Variants in PTPRN2 observed in about 807,000 individuals in gnomAD.
PTPRN2 encodes protein tyrosine phosphatase receptor type N2, also known as receptor-type tyrosine-protein phosphatase N2.
PTPRN2 carries 74 observed loss-of-function variants against 118.8 expected under a neutral mutation model. The ratio of observed to expected loss-of-function variants is 0.62; its 90% CI spans 0.52 to 0.76. PTPRN2 has a LOEUF of 0.76. Ranked by LOEUF, PTPRN2 falls within the 30% of genes least tolerant of loss-of-function variation. PTPRN2 has a pLI of 0.00. For synonymous variants in PTPRN2, 641 were observed against 608.0 expected, an observed-to-expected ratio of 1.05 and a Z score of -0.80; for missense variants, 1,481 against 1,394.4, an observed-to-expected ratio of 1.06 and a Z score of -0.99.
chr7:157,546,230 G>A (rs1214865883), intron 22 of PTPRN2, among the ~76,000 whole-genome samples: 2 of 152,132 alleles, frequency 1.3e-5, no homozygotes, highest in Non-Finnish European at 1.5e-5. Flanking sequence ...AAGTGATCTG[G>A]GCAACAGGGC....
chr7:157,978,480 T>C (rs1328379706), intron 11 of PTPRN2, among the ~76,000 whole-genome samples: 4 of 152,036 alleles, frequency 2.6e-5, no homozygotes, highest in Non-Finnish European at 5.9e-5. Context: ...TGAAAGCTTT[T>C]GAGCTCAAGA....
chr7:158,045,312 T>A (rs915203960), intron 11 of PTPRN2, among the ~76,000 whole-genome samples: 1 of 152,202 alleles, frequency 6.6e-6, no homozygotes, highest in Non-Finnish European at 1.5e-5. Context: ...GAGAAATAAA[T>A]TTTTTATTAA....
At chr7:158,356,481 GT>G (rs570466680) in intron 2 of PTPRN2, among the ~76,000 whole-genome samples, 1 of 152,036 alleles carries the variant, frequency 6.6e-6, no homozygotes, top group Non-Finnish European at 1.5e-5. Context: ...GCTTCCTTGG[GT>G]TTTTTTGGAC....
intron 6 of PTPRN2, among the ~76,000 whole-genome samples, chr7:158,140,309 T>C (rs1025642031): frequency 6.6e-6 from 1 of 152,262 alleles, no homozygotes; most frequent in Non-Finnish European, 1.5e-5. Context: ...GAAAGGAAAG[T>C]CTTTTCCAAA....
At chr7:158,048,430 A>T (rs1259249973) in intron 11 of PTPRN2, among the ~76,000 whole-genome samples, 1 of 152,154 alleles carries the variant, frequency 6.6e-6, no homozygotes, top group Non-Finnish European at 1.5e-5. Flanking sequence ...GACTCTGAAA[A>T]CTTGAATGAT....
At chr7:158,334,089 A>C (rs1183920763) in intron 2 of PTPRN2, among the ~76,000 whole-genome samples, 2 of 80,798 alleles carry the variant, frequency 2.5e-5, no homozygotes, top group African/African-American at 4.3e-5. Flanking sequence ...CACTCTCACC[A>C]TAAGAGGTGA....
At position 158,089,778 on chromosome 7, in the gene PTPRN2, G is replaced by GTC. The variant is rs1187218399; in HGVS notation, c.1644-8402_1644-8401insGA. Among the ~76,000 whole-genome samples the GTC allele has an allele frequency of 2.4e-3, 146 of 61,176 alleles. 3 individuals are homozygous for GTC. The highest frequency in any genetic ancestry group is 4.5e-3 in the African/African-American group (94 of 20,946). The allele number at this position is 61,176 out of a possible 152,430, so 40.1% of individuals were successfully genotyped here. A position where few individuals can be genotyped will look rare whatever the true frequency, so the allele number is the denominator to read the frequency against. Reference sequence around the variant, plus strand: ...TTCTTCCCCTGATGAAAAGGGGAATGTTCACACAAATCCTTCTTCCCCTGA... The same window carrying GTC: ...TTCTTCCCCTGATGAAAAGGGGAATGTCTTCACACAAATCCTTCTTCCCCTGA... On this transcript the variant is annotated intron_variant, in intron 10 of 22. Coordinates refer to ENST00000389418, the MANE Select transcript of PTPRN2 (RefSeq NM_002847.5).
chr7:158,582,615 C>A (rs1383614049), intron 1 of PTPRN2, among the ~76,000 whole-genome samples: 1 of 151,370 alleles, frequency 6.6e-6, no homozygotes, highest in Admixed American at 6.6e-5. Context: ...TATATTTACT[C>A]ATGAACCCAA....
At chr7:158,078,729 C>A (rs575822354) in intron 11 of PTPRN2, among the ~76,000 whole-genome samples, 1 of 152,268 alleles carries the variant, frequency 6.6e-6, no homozygotes, top group Non-Finnish European at 1.5e-5. Context: ...AGTCACCAAC[C>A]GTGCTAAGCG....
chr7:158,151,145 C>T (rs1359782530), intron 6 of PTPRN2, among the ~76,000 whole-genome samples: 2 of 84,042 alleles, frequency 2.4e-5, no homozygotes, highest in Non-Finnish European at 4.9e-5. Context: ...CTTTCTATTC[C>T]TGCCTCTCCC....
At chr7:157,733,209 TTC>T (rs1800054757) in intron 12 of PTPRN2, among the ~76,000 whole-genome samples, 3 of 27,100 alleles carry the variant, frequency 1.1e-4, no homozygotes, top group Non-Finnish European at 7.0e-5. Context: ...CAGTTACCCT[TTC>T]CCGTCCCACG....
chr7:158,169,425 T>A (rs1293088399), intron 5 of PTPRN2, among the ~76,000 whole-genome samples: 1 of 143,536 alleles, frequency 7.0e-6, no homozygotes, highest in African/African-American at 2.7e-5. Flanking sequence ...TGAGTGTGTG[T>A]GTGTGTGTGT....
chr7:158,194,542 C>T (rs893843401), intron 4 of PTPRN2, among the ~76,000 whole-genome samples: 6 of 152,340 alleles, frequency 3.9e-5, no homozygotes, highest in South Asian at 2.1e-4. Context: ...ACGGTCCAGA[C>T]GCCACAGGCC....
At chr7:157,827,420 C>T (rs547959586) in intron 12 of PTPRN2, among the ~76,000 whole-genome samples, 4 of 150,596 alleles carry the variant, frequency 2.7e-5, no homozygotes, top group African/African-American at 7.3e-5. Flanking sequence ...CAGTGTGGGC[C>T]GTGGCTGTCT....
At chr7:158,341,490 T>C (rs200140037) in intron 2 of PTPRN2, among the ~76,000 whole-genome samples, 1 of 55,964 alleles carries the variant, frequency 1.8e-5, no homozygotes, top group Admixed American at 1.7e-4. Context: ...CTCACCATAA[T>C]TGGTGACACG....
chr7:157,548,797 G>T, intron 22 of PTPRN2, 149 bp downstream of exon 22: 1 of 779,894 alleles, frequency 1.3e-6, no homozygotes, highest in Non-Finnish European at 2.1e-6. Flanking sequence ...CCCCGCCCAT[G>T]CAAGGCCGGC....
At chr7:157,669,852 A>T (rs1079358) in intron 13 of PTPRN2, among the ~76,000 whole-genome samples, 1 of 152,010 alleles carries the variant, frequency 6.6e-6, no homozygotes, top group Non-Finnish European at 1.5e-5. Context: ...CACAACCTCG[A>T]GGCCGGGCTC....
At chr7:158,221,572 C>T (rs932547581) in intron 3 of PTPRN2, among the ~76,000 whole-genome samples, 1 of 152,104 alleles carries the variant, frequency 6.6e-6, no homozygotes, top group Non-Finnish European at 1.5e-5. Context: ...CTGGGGAGGC[C>T]TCACAATCAT....
intron 12 of PTPRN2, among the ~76,000 whole-genome samples, chr7:157,814,028 T>C (rs1427203384): frequency 6.6e-6 from 1 of 152,224 alleles, no homozygotes; most frequent in African/African-American, 2.4e-5. Context: ...TCTTCAGAGC[T>C]GCGAGACTGT....
Sources: gnomAD v4.1 joint callset for allele counts (sites outside exome capture counted in the v4.1 genomes callset) on GRCh38, gnomAD v4.1.1 for gene constraint, MANE v1.5 for transcripts, NCBI Gene and HGNC (gene_info 2026-07-23, HGNC 2026-07-21) for gene names.